Variants in SUZ12 observed in about 807,000 individuals in gnomAD.
SUZ12 encodes polycomb protein SUZ12.
In SUZ12, 17 loss-of-function variants were observed where a neutral mutation model predicts 87.3. The observed-to-expected ratio is 0.19, with a 90% CI of 0.13 to 0.29. The LOEUF (loss-of-function observed/expected upper bound fraction) is 0.29. Among genes scored for constraint, SUZ12 ranks in the 10% least tolerant of loss-of-function variants. SUZ12 has a pLI of 1.00. For missense variants in SUZ12, 526 were observed against 912.2 expected (o/e 0.58, Z 5.45); for synonymous variants, 253 against 312.4 (o/e 0.81, Z 2.01).
chr17:31,949,676 C>CTTTTTTTTTTTTTTT lies in SUZ12; in HGVS notation c.455+2006_455+2020dup, dbSNP rs71360790. Reference sequence around the variant, plus strand: ...CCACACCCAGCCCCCCCCCCCCCCCCTTTTTTTTTTTTTTTTTTTTTTTTT... The same window carrying CTTTTTTTTTTTTTTT: ...CCACACCCAGCCCCCCCCCCCCCCCCTTTTTTTTTTTTTTTTTTTTTTTTTTTTTTTTTTTTTTTT... On this transcript the variant is annotated intron_variant, in intron 4 of 15. Transcript: ENST00000322652. Among the ~76,000 whole-genome samples, 2 of 12,372 alleles carry CTTTTTTTTTTTTTTT rather than the reference C, an allele frequency of 1.6e-4. 1 individual carries two copies. The highest frequency in any genetic ancestry group is 7.0e-4 in the African/African-American group (2 of 2,870). The allele number at this position is 12,372 out of a possible 152,430, so 8.1% of individuals were successfully genotyped here.
chr17:31,979,314 C>T (rs1230116783), intron 8 of SUZ12, among the ~76,000 whole-genome samples: 3 of 152,032 alleles, frequency 2.0e-5, no homozygotes, highest in African/African-American at 7.2e-5. Flanking sequence ...TTGCATGTAT[C>T]TCCTAAGAAC....
At chr17:31,963,529 A>G (rs1440192126) in intron 4 of SUZ12, among the ~76,000 whole-genome samples, 30 of 136,996 alleles carry the variant, frequency 2.2e-4, no homozygotes, top group African/African-American at 7.7e-4. Context: ...ACAGAGTCTC[A>G]CTCTGTCGCC....
At chr17:31,956,809 C>T (rs1191293046) in intron 4 of SUZ12, among the ~76,000 whole-genome samples, 1 of 151,534 alleles carries the variant, frequency 6.6e-6, no homozygotes, top group Non-Finnish European at 1.5e-5. Flanking sequence ...TTTTTTGAGA[C>T]AGTCTCATTC....
intron 5 of SUZ12, among the ~76,000 whole-genome samples, chr17:31,970,854 A>G (rs1329507336): frequency 2.6e-5 from 4 of 152,158 alleles, no homozygotes; most frequent in Admixed American, 1.3e-4. Context: ...TAGAACAAAA[A>G]ATTTTTTTTG....
At chr17:31,956,905 A>C (rs1907378898) in intron 4 of SUZ12, among the ~76,000 whole-genome samples, 1 of 151,926 alleles carries the variant, frequency 6.6e-6, no homozygotes, top group Non-Finnish European at 1.5e-5. Context: ...CCTCCCAGGT[A>C]GCTGGGATTA....
chr17:31,965,312 A>G (rs1237172005), intron 4 of SUZ12, among the ~76,000 whole-genome samples: 1 of 152,168 alleles, frequency 6.6e-6, no homozygotes, highest in Non-Finnish European at 1.5e-5. Context: ...TATGGAAACT[A>G]TGCTCAGGAG....
intron 15 of SUZ12, among the ~76,000 whole-genome samples, chr17:31,997,399 A>C (rs2142220148): frequency 1.3e-5 from 2 of 152,296 alleles, no homozygotes; most frequent in South Asian, 4.1e-4. Context: ...ACAGTGGCTC[A>C]TGCCTGTAAT....
At chr17:31,986,861 A>G (rs1020289467) in intron 9 of SUZ12, among the ~76,000 whole-genome samples, 3 of 152,140 alleles carry the variant, frequency 2.0e-5, no homozygotes, top group African/African-American at 7.2e-5. Context: ...TCTAATCTAA[A>G]TAGTTTTAAG....
At chr17:31,979,618 A>G (rs1425243147) in intron 8 of SUZ12, among the ~76,000 whole-genome samples, 1 of 152,180 alleles carries the variant, frequency 6.6e-6, no homozygotes, top group African/African-American at 2.4e-5. Context: ...CAGGTTAAAT[A>G]TTTTTGGCAG....
intron 4 of SUZ12, among the ~76,000 whole-genome samples, chr17:31,964,088 G>A (rs1420677076): frequency 6.6e-6 from 1 of 151,776 alleles, no homozygotes; most frequent in Non-Finnish European, 1.5e-5. Context: ...GTGCAGTGGT[G>A]CAATCTCGGC....
intron 8 of SUZ12, among the ~76,000 whole-genome samples, chr17:31,978,437 G>T: frequency 6.6e-6 from 1 of 152,132 alleles, no homozygotes; most frequent in Non-Finnish European, 1.5e-5. Flanking sequence ...TGGAGCTCCT[G>T]ACCTCACATC....
intron 4 of SUZ12, among the ~76,000 whole-genome samples, chr17:31,955,912 T>C (rs1907300467): frequency 2.0e-5 from 3 of 151,668 alleles, no homozygotes; most frequent in South Asian, 2.1e-4. Flanking sequence ...ATTATTATTA[T>C]TATTATTTTT....
intron 6 of SUZ12, among the ~76,000 whole-genome samples, chr17:31,974,459 G>GGA (rs1908623730): frequency 6.6e-6 from 1 of 152,090 alleles, no homozygotes; most frequent in African/African-American, 2.4e-5. Context: ...CCCGGGAGGC[G>GGA]GAGCTTGCAG....
chr17:31,962,764 C>T (rs1420529608), intron 4 of SUZ12, among the ~76,000 whole-genome samples: 2 of 152,162 alleles, frequency 1.3e-5, no homozygotes, highest in Non-Finnish European at 2.9e-5. Context: ...GAAATGAGAA[C>T]CATTTCAGCA....
intron 14 of SUZ12, among the ~76,000 whole-genome samples, chr17:31,996,518 C>T (rs1056934196): frequency 1.3e-5 from 2 of 152,098 alleles, no homozygotes; most frequent in Admixed American, 6.6e-5. Context: ...ACTCGGGAGG[C>T]TGAGACAGGA....
Position 31,970,457 on chromosome 17 carries a change from G to A in SUZ12, c.506-2689G>A, listed in dbSNP as rs576538170. Among the ~76,000 whole-genome samples, 15 of 152,084 alleles carry A rather than the reference G, an allele frequency of 9.9e-5. No homozygotes were observed. In the South Asian group the frequency reaches 2.7e-3, roughly 27 times the overall value. Reference sequence around the variant, plus strand: ...AGCCTGGCCAACATGGTGAAGCCCCGTCTCTACTGAAAATAACCAAATTAG... The same window carrying A: ...AGCCTGGCCAACATGGTGAAGCCCCATCTCTACTGAAAATAACCAAATTAG... On this transcript the variant is annotated intron_variant, in intron 5 of 15. Transcript: ENST00000322652.
rs9894806 is a variant in SUZ12, at chr17:31,948,279, A to G, written c.455+594A>G. On this transcript the variant is annotated intron_variant, in intron 4 of 15. Coordinates refer to ENST00000322652, the MANE Select transcript of SUZ12 (RefSeq NM_015355.4). ...ATCCCTAAATGTTCTGACTAGTCTG[A>G]TATCTGTCTACTCTAGATAGTATGC... is the stretch of plus-strand genomic sequence containing the variant. 2.6e-3 allele frequency among the ~76,000 whole-genome samples: 397 copies of G among 152,296 alleles called. 5 individuals are homozygous for G. The highest frequency in any genetic ancestry group is 9.0e-3 in the African/African-American group (375 of 41,568).
Position 31,947,598 on chromosome 17 carries a change from G to C in SUZ12, c.387-19G>C. The C allele has an allele frequency of 6.3e-7, 1 of 1,596,366 alleles. No homozygotes were observed. Among genetic ancestry groups the C allele is most frequent in the Non-Finnish European group, 8.5e-7 (1 of 1,170,074 alleles). ...TTCCCAGTTGAGAAGTGATTATTTT[G>C]TTTATCTGTTTCTTCCAGGAAAACA... On this transcript the variant is annotated intron_variant, in intron 3 of 15. Transcript: ENST00000322652.
chr17:31,981,005 C>T (rs1043332596), intron 8 of SUZ12, among the ~76,000 whole-genome samples: 6 of 151,282 alleles, frequency 4.0e-5, no homozygotes, highest in African/African-American at 1.2e-4. Flanking sequence ...GCACTCTAGC[C>T]TGGGTGACAC....
Sources: allele counts gnomAD v4.1 joint callset (sites outside exome capture counted in the v4.1 genomes callset), GRCh38; gene constraint gnomAD v4.1.1; transcripts MANE v1.5; gene names NCBI Gene and HGNC (gene_info 2026-07-23, HGNC 2026-07-21).